PTGR3: variants seen among roughly 807,000 people sequenced by gnomAD.
PTGR3 encodes the protein prostaglandin reductase 3.
At chr18:75,206,142 A>C in the PTGR3 span, among the ~76,000 whole-genome samples, 2 of 152,236 alleles carry the variant, frequency 1.3e-5, no homozygotes, top group Non-Finnish European at 2.9e-5. Context: ...CAGTAAGGTA[A>C]GAACTGGATA....
the PTGR3 span, among the ~76,000 whole-genome samples, chr18:75,206,545 T>C: frequency 6.6e-6 from 1 of 152,170 alleles, no homozygotes; most frequent in Admixed American, 6.5e-5. Context: ...TCTTAAAAAA[T>C]TCGGTAAAAT....
At chr18:75,203,096 C>G in the PTGR3 span, among the ~76,000 whole-genome samples, 226 of 152,250 alleles carry the variant, frequency 1.5e-3, no homozygotes, top group Non-Finnish European at 2.7e-3. Flanking sequence ...AAAAGGAAAG[C>G]AAATCGTTAC....
chr18:75,209,021 A>AC, the PTGR3 span: 1 of 1,579,094 alleles, frequency 6.3e-7, no homozygotes, highest in African/African-American at 1.4e-5. This position sits in a 1 kb window ranked among gnomAD's most constrained non-coding sequence, Gnocchi z 4.7. Context: ...CGACATGTCC[A>AC]CGATGGCCCG....
chr18:75,209,001 G>A, the PTGR3 span: 3 of 1,591,576 alleles, frequency 1.9e-6, no homozygotes, highest in African/African-American at 4.1e-5. The surrounding 1 kb of genome is among the most constrained non-coding windows in gnomAD (Gnocchi z 4.7). Context: ...TCCAGGAAGT[G>A]GCGGGCGTAC....
chr18:75,207,551 C>G, the PTGR3 span, among the ~76,000 whole-genome samples: 12 of 152,202 alleles, frequency 7.9e-5, no homozygotes, highest in African/African-American at 2.9e-4. Flanking sequence ...TGTCCACAGC[C>G]AATGCAAACA....
chr18:75,196,146 G>GGAT, the PTGR3 span: 6 of 152,146 alleles, frequency 3.9e-5, no homozygotes, highest in Non-Finnish European at 8.8e-5. Context: ...TAGGTGCCGA[G>GGAT]GATAAGACAC....
chr18:75,205,163 C>T, the PTGR3 span: 34 of 985,402 alleles, frequency 3.5e-5, no homozygotes, highest in Non-Finnish European at 4.1e-5. Flanking sequence ...TGAGGACCCT[C>T]CACAGCCCGG....
At chr18:75,195,545 G>A in the PTGR3 span, 1 of 152,006 alleles carries the variant, frequency 6.6e-6, no homozygotes, top group Non-Finnish European at 1.5e-5. Flanking sequence ...TTTCTCTCTG[G>A]GTCCCAGTTT....
chr18:75,201,230 ATTT>A, the PTGR3 span: 3 of 482,716 alleles, frequency 6.2e-6, no homozygotes, highest in Non-Finnish European at 7.2e-6. Context: ...TTATTAGCAC[ATTT>A]TTTTTTTTCC....
chr18:75,199,820 T>C, the PTGR3 span: 1 of 152,678 alleles, frequency 6.5e-6, no homozygotes, highest in African/African-American at 2.4e-5. Context: ...TGATCCATAA[T>C]TTGGCAGCTA....
the PTGR3 span, chr18:75,202,366 T>C: frequency 6.9e-6 from 11 of 1,588,652 alleles, no homozygotes; most frequent in African/African-American, 1.4e-5. Flanking sequence ...CAAACAAATA[T>C]GTTACGATGG....
At chr18:75,202,587 T>C in the PTGR3 span, among the ~76,000 whole-genome samples, 1 of 151,680 alleles carries the variant, frequency 6.6e-6, no homozygotes, top group Admixed American at 6.6e-5. Flanking sequence ...AATAATTTCA[T>C]ATCATTTTAA....
At chr18:75,208,582 A>G in the PTGR3 span, 1 of 914,090 alleles carries the variant, frequency 1.1e-6, no homozygotes, top group Non-Finnish European at 1.4e-6. Flanking sequence ...GGGCTGGAGG[A>G]GGGGAGGGGA....
the PTGR3 span, chr18:75,195,715 C>T: frequency 2.6e-5 from 4 of 152,014 alleles, no homozygotes; most frequent in African/African-American, 9.7e-5. Context: ...GAGTTTGAGA[C>T]CAGCCTGGGC....
chr18:75,196,972 T>C, the PTGR3 span: 1 of 152,212 alleles, frequency 6.6e-6, no homozygotes, highest in African/African-American at 2.4e-5. Flanking sequence ...CCTGTGAATA[T>C]CAACTACTAC....
the PTGR3 span, chr18:75,205,586 A>G: frequency 1.4e-6 from 1 of 722,940 alleles, no homozygotes. Flanking sequence ...TTACTGAGAA[A>G]CAGAGCGATC....
chr18:75,201,847 G>T, the PTGR3 span: 1 of 1,614,202 alleles, frequency 6.2e-7, no homozygotes, highest in Non-Finnish European at 8.5e-7. Context: ...GGGTACTCCT[G>T]CTTAAGGACG....
the PTGR3 span, among the ~76,000 whole-genome samples, chr18:75,206,986 G>A: frequency 6.6e-6 from 1 of 152,174 alleles, no homozygotes; most frequent in Non-Finnish European, 1.5e-5. Context: ...GCCCTTTGGG[G>A]AAGGGGAAAG....
At chr18:75,208,785 C>A in the PTGR3 span, 1 of 1,293,614 alleles carries the variant, frequency 7.7e-7, no homozygotes, top group Non-Finnish European at 9.9e-7. Context: ...ACTGCGGGAG[C>A]GGCGCGGCGC....
Sources: allele counts gnomAD v4.1 joint callset (sites outside exome capture counted in the v4.1 genomes callset), GRCh38; gene constraint gnomAD v4.1.1; non-coding constraint Gnocchi (gnomAD v3.1); transcripts MANE v1.5; gene names NCBI Gene and HGNC (gene_info 2026-07-23, HGNC 2026-07-21).